The following BCL2L14 variants were observed in gnomAD, a reference collection of about 807,000 sequenced individuals.
BCL2L14 encodes the protein apoptosis facilitator Bcl-2-like protein 14.
In BCL2L14, 27 loss-of-function variants were observed where a neutral mutation model predicts 35.3. The observed-to-expected ratio is 0.76, with a 90% CI of 0.56 to 1.05. The LOEUF is 1.05. BCL2L14 is among the 50% of genes least tolerant of loss of function. The pLI, the probability that BCL2L14 is intolerant of heterozygous loss-of-function variation, is 0.00. For synonymous variants in BCL2L14, 139 were observed against 145.9 expected, an observed-to-expected ratio of 0.95 and a Z score of 0.34; for missense variants, 377 against 382.6, an observed-to-expected ratio of 0.99 and a Z score of 0.12.
chr12:12,066,257 A>G (rs986874913), upstream of BCL2L14, among the ~76,000 whole-genome samples: 1 of 152,208 alleles, frequency 6.6e-6, no homozygotes, highest in African/African-American at 2.4e-5. Flanking sequence ...CATTTCAACC[A>G]GTCACAGCCT....
rs1036085336 is a variant in BCL2L14, at chr12:12,079,805, C to T, written c.433+67C>T. ...TCCCTTCTTTGTGTCCAGAGTGGTA[C>T]ATCTCTTCTCATGTTGTAAAGTGGC... On this transcript the variant is annotated intron_variant, in intron 2 of 5. Transcript: ENST00000308721. The T allele has an allele frequency of 5.4e-6, 8 of 1,474,784 alleles. No individual in the cohort carries two copies. In the East Asian group the frequency reaches 9.1e-5, roughly 17 times the overall value. 91.4% of individuals were successfully genotyped at this position (1,474,784 alleles called of 1,614,324 possible). A position where few individuals can be genotyped will look rare whatever the true frequency, so the allele number is the denominator to read the frequency against.
At chr12:12,090,358 A>G (rs896843735) in intron 3 of BCL2L14, among the ~76,000 whole-genome samples, 3 of 152,210 alleles carry the variant, frequency 2.0e-5, no homozygotes, top group Non-Finnish European at 4.4e-5. Flanking sequence ...TGCCAGGCAC[A>G]GTGGCTCATG....
intron 2 of BCL2L14, among the ~76,000 whole-genome samples, chr12:12,084,935 G>A (rs1019659029): frequency 6.6e-5 from 10 of 151,568 alleles, no homozygotes; most frequent in African/African-American, 1.2e-4. Flanking sequence ...TTAGCTGGAC[G>A]TAGTGGCGGG....
intron 3 of BCL2L14, among the ~76,000 whole-genome samples, chr12:12,087,848 G>T (rs1371949862): frequency 6.6e-6 from 1 of 152,224 alleles, no homozygotes; most frequent in African/African-American, 2.4e-5. Flanking sequence ...GCAGAACTGA[G>T]AAGTAGTGAC....
intron 1 of BCL2L14, among the ~76,000 whole-genome samples, chr12:12,077,323 C>G (rs1332724568): frequency 2.0e-5 from 3 of 152,138 alleles, no homozygotes; most frequent in African/African-American, 7.2e-5. Context: ...AGGTGGATCA[C>G]TTGAGCCCAG....
intron 2 of BCL2L14, among the ~76,000 whole-genome samples, chr12:12,081,396 A>C (rs1948920874): frequency 6.6e-6 from 1 of 150,640 alleles, no homozygotes; most frequent in African/African-American, 2.4e-5. Flanking sequence ...TCAAGGCTGC[A>C]GTGAGCGAAG....
chr12:12,067,875 T>A (rs1028919249), upstream of BCL2L14, among the ~76,000 whole-genome samples: 1 of 152,178 alleles, frequency 6.6e-6, no homozygotes, highest in Non-Finnish European at 1.5e-5. Context: ...GTTGCTCTCC[T>A]CAGCTTCCGT....
At chr12:12,069,629 AC>A (rs1179130701), upstream of BCL2L14, among the ~76,000 whole-genome samples, 31 of 151,052 alleles carry the variant, frequency 2.1e-4, no homozygotes, top group East Asian at 3.9e-3. Context: ...AATGGCGTGA[AC>A]CCAGGAGGTG....
At chr12:12,089,125 G>C (rs11830489) in intron 3 of BCL2L14, among the ~76,000 whole-genome samples, 7 of 152,216 alleles carry the variant, frequency 4.6e-5, no homozygotes, top group Non-Finnish European at 1.0e-4. Context: ...CCAGCACTTT[G>C]GGAGGCCAAG....
chr12:12,056,283 T>G (rs1213813227), intron 2 of BCL2L14, among the ~76,000 whole-genome samples: 1 of 152,168 alleles, frequency 6.6e-6, no homozygotes, highest in Non-Finnish European at 1.5e-5. Context: ...CAAGAGTAAA[T>G]TTTTCCTTAA....
At chr12:12,078,733 C>A (rs1164781102) in intron 1 of BCL2L14, among the ~76,000 whole-genome samples, 6 of 152,230 alleles carry the variant, frequency 3.9e-5, no homozygotes, top group Admixed American at 1.3e-4. Context: ...CTATCCCTGC[C>A]TTCTAACCTG....
At chr12:12,096,134 C>G in intron 5 of BCL2L14, 1 of 985,326 alleles carries the variant, frequency 1.0e-6, no homozygotes, top group Non-Finnish European at 1.2e-6. Context: ...TCCAGCACTT[C>G]ATGTTTGCAC....
At chr12:12,074,145 T>G (rs1249594435) in intron 1 of BCL2L14, among the ~76,000 whole-genome samples, 1 of 152,228 alleles carries the variant, frequency 6.6e-6, no homozygotes, top group Non-Finnish European at 1.5e-5. Flanking sequence ...GGACATATAC[T>G]AAAAAATTAT....
At position 12,099,126 on chromosome 12, in the gene BCL2L14, G is replaced by C. The variant is rs749353035; in HGVS notation, c.*138G>C. 6.0e-6 allele frequency: 4 copies of C among 664,378 alleles called. No individual in the cohort carries two copies. Among genetic ancestry groups the C allele is most frequent in the Non-Finnish European group, 1.1e-5 (4 of 369,772 alleles). 41.2% of individuals were successfully genotyped at this position (664,378 alleles called of 1,614,324 possible). On this transcript the variant is annotated 3_prime_UTR_variant, in exon 6 of 6. Coordinates refer to ENST00000308721, the MANE Select transcript of BCL2L14 (RefSeq NM_138723.2). ...TTCAAAACCATTATTCCTGTGACTG[G>C]AGAGGCATCAGGAGAGGTCTCGTTC...
At chr12:12,079,859 C>G (rs1050095092) in intron 2 of BCL2L14, 121 bp downstream of exon 2, 16 of 987,180 alleles carry the variant, frequency 1.6e-5, no homozygotes, top group Admixed American at 5.0e-5. Flanking sequence ...TGTGCCTCAG[C>G]TTTCCAACTT....
intron 4 of BCL2L14, 89 bp downstream of exon 4, chr12:12,090,938 T>C: frequency 2.1e-6 from 2 of 965,960 alleles, no homozygotes; most frequent in South Asian, 4.2e-5. Context: ...TGCAACCTTA[T>C]TCCCTTTCTA....
At chr12:12,066,439 C>T (rs1439858399), upstream of BCL2L14, among the ~76,000 whole-genome samples, 1 of 152,194 alleles carries the variant, frequency 6.6e-6, no homozygotes, top group South Asian at 2.1e-4. Flanking sequence ...CCAACGTTTT[C>T]CTGAGGATGG....
rs373018027 is a variant in BCL2L14, at chr12:12,057,945, G to C, written c.-272+6098G>C. On this transcript the variant is annotated intron_variant, in intron 2 of 3. Transcript: ENST00000461264. Reference sequence around the variant, plus strand: ...TTTTACTTAAGTCTTTTGTGTGTTTGTCTTTTTTTTTTTTTTTTTTTGAGA... The same window carrying C: ...TTTTACTTAAGTCTTTTGTGTGTTTCTCTTTTTTTTTTTTTTTTTTTGAGA... 2.1e-4 allele frequency among the ~76,000 whole-genome samples: 19 copies of C among 91,148 alleles called. No individual in the cohort carries two copies. The South Asian group carries it at 7.6e-3, about 37-fold the overall frequency. 59.8% of individuals were successfully genotyped at this position (91,148 alleles called of 152,430 possible). A position where few individuals can be genotyped will look rare whatever the true frequency, so the allele number is the denominator to read the frequency against.
chr12:12,085,937 A>G (rs1437657697), intron 2 of BCL2L14, among the ~76,000 whole-genome samples: 1 of 152,116 alleles, frequency 6.6e-6, no homozygotes, highest in Admixed American at 6.5e-5. Flanking sequence ...TGAATTACCT[A>G]ATGTTAGTCT....
Sources: gnomAD v4.1 joint callset for allele counts (sites outside exome capture counted in the v4.1 genomes callset) on GRCh38, gnomAD v4.1.1 for gene constraint, MANE v1.5 for transcripts, NCBI Gene and HGNC (gene_info 2026-07-23, HGNC 2026-07-21) for gene names.